KIZ: variants seen among roughly 807,000 people sequenced by gnomAD.
KIZ encodes centrosomal protein kizuna.
A neutral mutation model predicts 79.6 loss-of-function variants in KIZ; 68 were observed. The ratio of observed to expected loss-of-function variants is 0.85; its 90% CI spans 0.70 to 1.05. KIZ has a LOEUF of 1.05. Among genes scored for constraint, KIZ ranks in the 50% least tolerant of loss-of-function variants. KIZ has a pLI of 0.00. For missense variants in KIZ, 797 were observed against 800.4 expected (o/e 1.00, Z 0.05); for synonymous variants, 280 against 281.8 (o/e 0.99, Z 0.06).
At chr20:21,246,378 G>A in intron 12 of KIZ, 101 bp from the exon 13 acceptor site, 2 of 727,334 alleles carry the variant, frequency 2.7e-6, no homozygotes, top group South Asian at 3.1e-5. Flanking sequence ...GCATTTTGCA[G>A]ACTGACACTC....
At chr20:21,139,936 A>G (rs1321024357) in intron 3 of KIZ, among the ~76,000 whole-genome samples, 4 of 152,204 alleles carry the variant, frequency 2.6e-5, no homozygotes, top group Non-Finnish European at 5.9e-5. Flanking sequence ...ACACTCAGGA[A>G]GGATGTGAGT....
chr20:21,188,968 A>G (rs1247363303), intron 6 of KIZ, among the ~76,000 whole-genome samples: 1 of 151,876 alleles, frequency 6.6e-6, no homozygotes, highest in Non-Finnish European at 1.5e-5. Flanking sequence ...TCGGCCTCCC[A>G]AAGTGCTGGG....
chr20:21,172,332 C>T (rs568611813), intron 6 of KIZ, among the ~76,000 whole-genome samples: 5 of 152,204 alleles, frequency 3.3e-5, no homozygotes, highest in African/African-American at 4.8e-5. Flanking sequence ...GGGCCAGGCA[C>T]GGTGACTAAC....
rs1408105530 is a variant in KIZ at position 21,163,002 on chromosome 20, G to T, written c.1195G>T (p.Gly399Cys). The T allele has an allele frequency of 6.2e-7, 1 of 1,613,906 alleles. No individual in the cohort carries two copies. Residue 399 changes from glycine (G) to cysteine (C), a missense_variant, in exon 6 of 13, where the codon GGT becomes TGT. By Grantham distance (159) the Gly-to-Cys change is radical. Transcript: ENST00000619189. ...LESPEPQPNP[G>C]GKMEGEDGIE... ...GAGCCCAGAACCACAGCCAAATCCA[G>T]GTGGCAAGATGGAGGGAGAAGATGG... is the stretch of plus-strand genomic sequence containing the variant.
At chr20:21,225,356 TG>T (rs1199702545) in intron 9 of KIZ, among the ~76,000 whole-genome samples, 1 of 152,242 alleles carries the variant, frequency 6.6e-6, no homozygotes, top group East Asian at 1.9e-4. Flanking sequence ...TAGAAATGCT[TG>T]TTTTATCTAA....
rs777812633 is a variant in KIZ at position 21,145,608 on chromosome 20, A to T, written c.359A>T (p.Asp120Val). ...ATTAAGAAGATGCTATGCTCAAAAG[A>T]TAGCCTGGGACTAAAAGAGGAACTG... ...TQIKKMLCSK[D>V]SLGLKEELTD... Residue 120 changes from aspartate (D) to valine (V), a missense_variant, in exon 4 of 13, where the codon GAT (aspartate) becomes GTT (valine). Physicochemically the swap from Asp to Val is radical, Grantham distance 152. Coordinates refer to ENST00000619189, the MANE Select transcript of KIZ (RefSeq NM_018474.6). 139 of 1,530,678 alleles carry T rather than the reference A, an allele frequency of 9.1e-5. No homozygotes were observed. Among genetic ancestry groups the T allele is most frequent in the Non-Finnish European group, 1.2e-4 (134 of 1,132,424 alleles). The allele number at this position is 1,530,678 out of a possible 1,614,324, so 94.8% of individuals were successfully genotyped here. A position where few individuals can be genotyped will look rare whatever the true frequency, so the allele number is the denominator to read the frequency against.
chr20:21,221,442 G>T (rs189763940), intron 9 of KIZ, among the ~76,000 whole-genome samples: 2 of 152,116 alleles, frequency 1.3e-5, no homozygotes, highest in South Asian at 4.2e-4. Flanking sequence ...CCCACCCCAC[G>T]TGCCCATCCT....
At chr20:21,192,702 A>G (rs1346745224) in intron 6 of KIZ, among the ~76,000 whole-genome samples, 1 of 152,212 alleles carries the variant, frequency 6.6e-6, no homozygotes, top group African/African-American at 2.4e-5. Flanking sequence ...AAGAATGATT[A>G]TCCAGTAACC....
At chr20:21,239,004 G>A (rs1047840059) in intron 11 of KIZ, among the ~76,000 whole-genome samples, 9 of 152,138 alleles carry the variant, frequency 5.9e-5, no homozygotes, top group Admixed American at 3.3e-4. Flanking sequence ...TAGAACCCAC[G>A]GCTGCACATC....
chr20:21,209,227 G>A (rs1568978886), intron 7 of KIZ, among the ~76,000 whole-genome samples: 1 of 152,208 alleles, frequency 6.6e-6, no homozygotes, highest in Non-Finnish European at 1.5e-5. Flanking sequence ...GATAAGGTCT[G>A]CAGTGCCCAC....
At chr20:21,229,973 T>A (rs2036784319) in intron 10 of KIZ, among the ~76,000 whole-genome samples, 1 of 152,224 alleles carries the variant, frequency 6.6e-6, no homozygotes, top group Non-Finnish European at 1.5e-5. Flanking sequence ...TGTCTATTAT[T>A]TTCAGTGGTT....
intron 11 of KIZ, among the ~76,000 whole-genome samples, chr20:21,238,390 A>AGT (rs371646503): frequency 0.01 from 1,498 of 148,882 alleles, 28 homozygotes; most frequent in African/African-American, 0.035. Context: ...TGTGTGAGAG[A>AGT]GTGTGTGTGT....
chr20:21,135,350 G>A (rs6047267), intron 2 of KIZ, among the ~76,000 whole-genome samples: 118,692 of 152,164 alleles, frequency 0.78, 46,717 homozygotes, highest in African/African-American at 0.89. Flanking sequence ...TTCTACCTCT[G>A]TTACAGTTAC....
chr20:21,162,643 A>G (rs1453629783), intron 5 of KIZ, 136 bp downstream of exon 5: 3 of 794,526 alleles, frequency 3.8e-6, no homozygotes, highest in African/African-American at 3.5e-5. Flanking sequence ...GAACTCTTAA[A>G]TATGTACATG....
intron 3 of KIZ, 104 bp downstream of exon 3, chr20:21,136,656 CA>C: frequency 1.3e-6 from 1 of 763,292 alleles, no homozygotes; most frequent in Non-Finnish European, 2.0e-6. Flanking sequence ...TAGACTTGAA[CA>C]CCTGGGCTCA....
Position 21,126,173 on chromosome 20 carries a change from C to A in KIZ, c.58C>A (p.Leu20Met). The stretch of plus-strand genomic sequence containing the variant: ...GTCGAGTCCCGACTACTACGAGAGG[C>A]TGGGCCAACTCCAGCACGGGCTGCG... ...PLSSPDYYER[L>M]GQLQHGLRDS... Residue 20 changes from leucine to methionine, a missense_variant, in exon 1 of 13, where the codon CTG becomes ATG. Transcript: ENST00000619189. 6.7e-7 allele frequency: 1 copy of A among 1,502,906 alleles called. No homozygotes were observed. Among genetic ancestry groups the A allele is most frequent in the Admixed American group, 2.2e-5 (1 of 46,184 alleles). 93.1% of individuals were successfully genotyped at this position (1,502,906 alleles called of 1,614,324 possible).
intron 9 of KIZ, among the ~76,000 whole-genome samples, chr20:21,227,348 G>C (rs937073827): frequency 2.0e-5 from 3 of 152,070 alleles, no homozygotes; most frequent in South Asian, 2.1e-4. Flanking sequence ...GCAGCATGCC[G>C]CTCCAGCTTC....
At chr20:21,208,628 A>G (rs1282432560) in intron 7 of KIZ, among the ~76,000 whole-genome samples, 5 of 152,054 alleles carry the variant, frequency 3.3e-5, no homozygotes, top group African/African-American at 2.4e-5. Flanking sequence ...GCCTGAACCC[A>G]GGAGGCGGAG....
chr20:21,182,528 G>A (rs2034697163), intron 6 of KIZ, among the ~76,000 whole-genome samples: 1 of 152,162 alleles, frequency 6.6e-6, no homozygotes, highest in Non-Finnish European at 1.5e-5. Context: ...AGGCGCAGTG[G>A]CTCAGCCCTG....
Sources: gnomAD v4.1 joint callset for allele counts (sites outside exome capture counted in the v4.1 genomes callset) on GRCh38, gnomAD v4.1.1 for gene constraint, MANE v1.5 for transcripts, NCBI Gene and HGNC (gene_info 2026-07-23, HGNC 2026-07-21) for gene names.